Variants in NELL1 observed in about 807,000 individuals in gnomAD.
The protein encoded by NELL1 is protein kinase C-binding protein NELL1.
In NELL1, 76 loss-of-function variants were observed where a neutral mutation model predicts 107.4. The ratio of observed to expected loss-of-function variants is 0.71; its 90% CI spans 0.59 to 0.86. The LOEUF is 0.86. Ranked by LOEUF, NELL1 falls within the 40% of genes least tolerant of loss-of-function variation. NELL1 has a pLI of 0.00. For synonymous variants in NELL1, 353 were observed against 341.2 expected, an observed-to-expected ratio of 1.03 and a Z score of -0.38; for missense variants, 1,024 against 1,005.5, an observed-to-expected ratio of 1.02 and a Z score of -0.25.
At chr11:20,924,273 G>C (rs1377059370) in intron 7 of NELL1, among the ~76,000 whole-genome samples, 5 of 152,194 alleles carry the variant, frequency 3.3e-5, no homozygotes, top group Admixed American at 6.5e-5. Flanking sequence ...GGGAAGGCAA[G>C]AGGTTACATG....
At chr11:21,090,130 G>A (rs1195901830) in intron 12 of NELL1, among the ~76,000 whole-genome samples, 1 of 152,144 alleles carries the variant, frequency 6.6e-6, no homozygotes, top group Non-Finnish European at 1.5e-5. Flanking sequence ...CAATAATACA[G>A]AAAATAAATA....
intron 12 of NELL1, among the ~76,000 whole-genome samples, chr11:20,970,509 G>A (rs1851477241): frequency 6.6e-6 from 1 of 152,198 alleles, no homozygotes; most frequent in African/African-American, 2.4e-5. Flanking sequence ...GATTTAAATA[G>A]TGTTGTAGGA....
At chr11:20,707,227 C>G (rs1590221914) in intron 2 of NELL1, among the ~76,000 whole-genome samples, 1 of 152,158 alleles carries the variant, frequency 6.6e-6, no homozygotes, top group African/African-American at 2.4e-5. Flanking sequence ...CATTTAAGGT[C>G]TTCTTGGTGC....
intron 4 of NELL1, among the ~76,000 whole-genome samples, chr11:20,870,690 A>C (rs1451267536): frequency 6.6e-6 from 1 of 152,218 alleles, no homozygotes; most frequent in Admixed American, 6.5e-5. Context: ...CACAATGAAC[A>C]ATAACTTTTT....
chr11:21,529,378 C>A (rs76556790), intron 15 of NELL1, among the ~76,000 whole-genome samples: 5,638 of 152,218 alleles, frequency 0.037, 347 homozygotes, highest in African/African-American at 0.13. Flanking sequence ...TCCCTAAGAA[C>A]CCAAGAGAAA....
intron 15 of NELL1, among the ~76,000 whole-genome samples, chr11:21,422,174 A>G (rs1287885796): frequency 6.6e-6 from 1 of 152,102 alleles, no homozygotes; most frequent in Non-Finnish European, 1.5e-5. Context: ...GAAGAGAGAC[A>G]AAGAGAGTTC....
intron 2 of NELL1, among the ~76,000 whole-genome samples, chr11:20,767,719 TATTC>T (rs112687398): frequency 0.1 from 15,426 of 150,766 alleles, 1,814 homozygotes; most frequent in African/African-American, 0.29. Flanking sequence ...CAATATATCA[TATTC>T]ATTCATTCAT....
chr11:21,192,012 A>T (rs946409037), intron 13 of NELL1, among the ~76,000 whole-genome samples: 1 of 151,550 alleles, frequency 6.6e-6, no homozygotes. Flanking sequence ...GTGTTGGGGT[A>T]ATAGATAATA....
intron 12 of NELL1, among the ~76,000 whole-genome samples, chr11:21,059,264 T>G (rs1853680058): frequency 1.4e-5 from 1 of 72,596 alleles, no homozygotes; most frequent in Non-Finnish European, 3.0e-5. Context: ...AGTTTTGTTT[T>G]GTTTTTTTTT....
At chr11:21,111,768 G>C (rs1855113312) in intron 12 of NELL1, among the ~76,000 whole-genome samples, 2 of 152,008 alleles carry the variant, frequency 1.3e-5, no homozygotes, top group Admixed American at 6.6e-5. Context: ...GAAAAGGATG[G>C]GGAAATACAA....
chr11:20,797,620 G>A (rs78253585), intron 3 of NELL1, among the ~76,000 whole-genome samples: 4,813 of 147,620 alleles, frequency 0.033, 261 homozygotes, highest in African/African-American at 0.11. Context: ...CTAGAATCGA[G>A]ATCCTAGATA....
In NELL1 at chr11:21,441,372, T is replaced by C. The variant is rs972313596; in HGVS notation, c.1645+70424T>C. Among the ~76,000 whole-genome samples, 49 of 147,878 alleles carry C rather than the reference T, an allele frequency of 3.3e-4. 1 individual carries two copies. Among genetic ancestry groups the C allele is most frequent in the Middle Eastern group, 6.9e-3 (2 of 290 alleles). On this transcript the variant is annotated intron_variant, in intron 15 of 19. Coordinates refer to ENST00000357134, the MANE Select transcript of NELL1 (RefSeq NM_006157.5). The stretch of plus-strand genomic sequence containing the variant: ...GTGTGTGTGTGTGTGTGTGTGTGTG[T>C]GTGTGTGTGTTCTATGATATGGTAT...
chr11:21,112,748 A>G (rs1404479462), intron 12 of NELL1, among the ~76,000 whole-genome samples: 1 of 152,090 alleles, frequency 6.6e-6, no homozygotes, highest in Non-Finnish European at 1.5e-5. Flanking sequence ...GTCATAGACT[A>G]TTAATCAGCA....
intron 12 of NELL1, among the ~76,000 whole-genome samples, chr11:20,970,792 T>G (rs1851484247): frequency 2.8e-5 from 2 of 70,434 alleles, no homozygotes; most frequent in South Asian, 7.7e-4. Flanking sequence ...AAGTCTAAAT[T>G]TTTTTTTTTG....
chr11:21,301,374 A>G (rs968811503), intron 14 of NELL1, among the ~76,000 whole-genome samples: 2 of 152,160 alleles, frequency 1.3e-5, no homozygotes, highest in African/African-American at 2.4e-5. Flanking sequence ...GTGTAAAAGC[A>G]TTCCTATTTC....
chr11:21,075,928 A>T (rs1166117684), intron 12 of NELL1, among the ~76,000 whole-genome samples: 2 of 152,226 alleles, frequency 1.3e-5, no homozygotes, highest in African/African-American at 4.8e-5. Flanking sequence ...AGTAGGAATA[A>T]TTGTTGGAAT....
At chr11:20,928,167 C>A (rs1487994344) in intron 8 of NELL1, among the ~76,000 whole-genome samples, 1 of 152,068 alleles carries the variant, frequency 6.6e-6, no homozygotes, top group Admixed American at 6.6e-5. Context: ...TAGGATGAAA[C>A]CAGTGATGTA....
intron 12 of NELL1, among the ~76,000 whole-genome samples, chr11:20,970,080 C>CATCT (rs1590477330): frequency 4.6e-5 from 7 of 151,298 alleles, no homozygotes; most frequent in East Asian, 1.9e-4. Context: ...TCCATCCATC[C>CATCT]ATCCATCCAT....
At chr11:20,754,701 GAC>G (rs979058426) in intron 2 of NELL1, among the ~76,000 whole-genome samples, 1 of 152,144 alleles carries the variant, frequency 6.6e-6, no homozygotes, top group Admixed American at 6.5e-5. Flanking sequence ...CATAAGAAAA[GAC>G]AGTTCCAAGA....
Sources: gnomAD v4.1 joint callset for allele counts (sites outside exome capture counted in the v4.1 genomes callset) on GRCh38, gnomAD v4.1.1 for gene constraint, MANE v1.5 for transcripts, NCBI Gene and HGNC (gene_info 2026-07-23, HGNC 2026-07-21) for gene names.